The following WDR48 variants were observed in gnomAD, a reference collection of about 807,000 sequenced individuals.
WDR48 encodes WD repeat domain 48, also known as WD repeat-containing protein 48.
In WDR48, 22 loss-of-function variants were observed where a neutral mutation model predicts 94.0. That is an observed-to-expected ratio of 0.23 (90% confidence interval 0.17 to 0.33). The LOEUF is 0.33. Among genes scored for constraint, WDR48 ranks in the 10% least tolerant of loss-of-function variants. The probability of loss-of-function intolerance (pLI) is 1.00; values close to 1 mark genes in which losing one functional copy is unlikely to be tolerated. For missense variants in WDR48, 541 were observed against 813.8 expected, an observed-to-expected ratio of 0.66 and a Z score of 4.08; for synonymous variants, 278 against 280.5, an observed-to-expected ratio of 0.99 and a Z score of 0.09.
At chr3:39,079,315 A>G (rs2034401449) in intron 10 of WDR48, among the ~76,000 whole-genome samples, 2 of 152,218 alleles carry the variant, frequency 1.3e-5, no homozygotes, top group African/African-American at 4.8e-5. Context: ...AACCTTTAGA[A>G]TATTCATTCA....
chr3:39,078,280 CGATAGTTACTTAGA>C, intron 10 of WDR48, 41 bp downstream of exon 10: 1 of 1,373,382 alleles, frequency 7.3e-7, no homozygotes, highest in Non-Finnish European at 1.0e-6. Flanking sequence ...TTGAAGTTAG[CGATAGTTACTTAGA>C]GATTGACAAA....
intron 8 of WDR48, among the ~76,000 whole-genome samples, chr3:39,075,313 T>A (rs2034162574): frequency 6.6e-6 from 1 of 151,864 alleles, no homozygotes; most frequent in Admixed American, 6.6e-5. Context: ...TGTCTCATAC[T>A]TGCTCCTGAG....
At chr3:39,063,341 A>G in intron 2 of WDR48, 151 bp downstream of exon 2, 3 of 1,047,946 alleles carry the variant, frequency 2.9e-6, no homozygotes, top group Non-Finnish European at 3.9e-6. Flanking sequence ...AGAATTCTGT[A>G]AGCCTCTGAG....
At chr3:39,091,398 G>T in intron 16 of WDR48, 2 of 363,334 alleles carry the variant, frequency 5.5e-6, no homozygotes, top group South Asian at 3.6e-5. Context: ...TGTTATCTAA[G>T]AAGAGCCATG....
At position 39,095,296 on chromosome 3, in the gene WDR48, T is replaced by C. The variant is rs574984206; in HGVS notation, c.*553T>C. 1.9e-5 allele frequency: 3 copies of C among 154,280 alleles called. No individual in the cohort carries two copies. The East Asian group carries it at 5.8e-4, about 30-fold the overall frequency. The allele number at this position is 154,280 out of a possible 1,614,324, so 9.6% of individuals were successfully genotyped here. ...ACAATTTGAGAACCAGCCCATTTCA[T>C]AATAAAAGATTAATGTTGGGCTTGT... On this transcript the variant is annotated 3_prime_UTR_variant, in exon 19 of 19. Transcript: ENST00000302313.
intron 11 of WDR48, 121 bp from the exon 12 acceptor site, chr3:39,084,034 A>G (rs892601149): frequency 6.7e-6 from 4 of 600,196 alleles, no homozygotes; most frequent in Non-Finnish European, 1.1e-5. Context: ...TCTTTTTGAA[A>G]TGTATTTTAG....
At chr3:39,090,782 A>G (rs2035039402) in intron 16 of WDR48, 1 of 152,204 alleles carries the variant, frequency 6.6e-6, no homozygotes, top group South Asian at 2.1e-4. Flanking sequence ...AGCCATATGA[A>G]AAGGAATTTA....
chr3:39,087,325 T>C (rs2034861975), intron 14 of WDR48, among the ~76,000 whole-genome samples: 1 of 152,184 alleles, frequency 6.6e-6, no homozygotes, highest in Non-Finnish European at 1.5e-5. Flanking sequence ...TTGTTGACAG[T>C]GATTTTGACG....
At position 39,078,145 on chromosome 3, in the gene WDR48, A is replaced by C. The variant is rs2034325991; in HGVS notation, c.981A>C (p.Lys327Asn). 9 of 1,609,522 alleles carry C rather than the reference A, an allele frequency of 5.6e-6. No individual in the cohort carries two copies. Among genetic ancestry groups the C allele is most frequent in the Non-Finnish European group, 7.6e-6 (9 of 1,177,730 alleles). Residue 327 changes from lysine to asparagine, a missense_variant, in exon 10 of 19, where the codon AAA becomes AAC. Lys to Asn is a moderately conservative substitution (Grantham distance 94, BLOSUM62 0). Coordinates refer to ENST00000302313, the MANE Select transcript of WDR48 (RefSeq NM_020839.4). The part of the protein sequence containing the change: ...TKSTVNKWTL[K>N]GIHNFRASGD... Reference sequence around the variant, plus strand: ...AAATTTTGTAATTTTAGACTTTGAAAGGAATTCATAATTTTAGAGCCTCTG... The same window carrying C: ...AAATTTTGTAATTTTAGACTTTGAACGGAATTCATAATTTTAGAGCCTCTG...
chr3:39,093,459 G>A (rs1202834118), intron 17 of WDR48, among the ~76,000 whole-genome samples: 2 of 152,192 alleles, frequency 1.3e-5, no homozygotes, highest in African/African-American at 2.4e-5. Flanking sequence ...TGCATCCTGA[G>A]TAGCTGGAAT....
chr3:39,085,504 C>CT lies in WDR48; in HGVS notation c.1379-5dup, dbSNP rs964121214. The stretch of plus-strand genomic sequence containing the variant: ...TTCCATTTTATCTCTTTTTAATTAA[C>CT]TTTTTTGCAGTGAATTTAGGAGGAC... On this transcript the variant is annotated splice_polypyrimidine_tract_variant and intron_variant, in intron 13 of 18. Transcript: ENST00000302313. The CT allele has an allele frequency of 1.7e-5, 28 of 1,603,156 alleles. No homozygotes were observed. Among genetic ancestry groups the CT allele is most frequent in the Non-Finnish European group, 2.2e-5 (26 of 1,175,216 alleles).
chr3:39,094,208 GC>G (rs1315189552), intron 18 of WDR48, 142 bp downstream of exon 18: 1 of 1,454,738 alleles, frequency 6.9e-7, no homozygotes, highest in Non-Finnish European at 9.0e-7. Context: ...CCACCCTAAA[GC>G]TCCTCTTTAC....
rs769598869 is a variant in WDR48, at chr3:39,091,720, T to A, written c.1745+19T>A. ...TAAAAAAGTAAGTAAATATATGGTT[T>A]CTTGATCTAATTAACTACTAGAGAG... On this transcript the variant is annotated intron_variant, in intron 17 of 18. Coordinates refer to ENST00000302313, the MANE Select transcript of WDR48 (RefSeq NM_020839.4). The A allele has an allele frequency of 1.3e-6, 2 of 1,574,402 alleles. No individual in the cohort carries two copies. The highest frequency in any genetic ancestry group is 3.7e-5 in the Admixed American group (2 of 53,814).
Position 39,095,033 on chromosome 3 carries a change from T to TG in WDR48, c.*291dup, listed in dbSNP as rs2035273794. The TG allele has an allele frequency of 2.4e-6, 1 of 420,826 alleles. No individual in the cohort carries two copies. The highest frequency in any genetic ancestry group is 4.4e-5 in the South Asian group (1 of 22,536). 26.1% of individuals were successfully genotyped at this position (420,826 alleles called of 1,614,324 possible). A position where few individuals can be genotyped will look rare whatever the true frequency, so the allele number is the denominator to read the frequency against. On this transcript the variant is annotated 3_prime_UTR_variant, in exon 19 of 19. Transcript: ENST00000302313. The stretch of plus-strand genomic sequence containing the variant: ...ACTGACAACAGGCCAGTGCAGACTT[T>TG]GCTTCCTCCTTTTGTTTCAAAGGAC...
At chr3:39,082,638 C>T (rs1352273179) in intron 11 of WDR48, among the ~76,000 whole-genome samples, 2 of 152,024 alleles carry the variant, frequency 1.3e-5, no homozygotes, top group African/African-American at 4.8e-5. Flanking sequence ...GAATGAGTCC[C>T]AGATTTCTTG....
At chr3:39,088,795 G>A (rs1386197350) in intron 15 of WDR48, among the ~76,000 whole-genome samples, 1 of 152,172 alleles carries the variant, frequency 6.6e-6, no homozygotes, top group Non-Finnish European at 1.5e-5. Flanking sequence ...ATAGGTGCCA[G>A]AAGAAAGAAA....
intron 11 of WDR48, among the ~76,000 whole-genome samples, chr3:39,081,623 C>G (rs1244405842): frequency 6.6e-6 from 1 of 152,208 alleles, no homozygotes; most frequent in Non-Finnish European, 1.5e-5. Flanking sequence ...CTTTGATACT[C>G]TACCACAAAT....
chr3:39,069,992 C>T (rs1056479266), intron 7 of WDR48, among the ~76,000 whole-genome samples: 1 of 152,120 alleles, frequency 6.6e-6, no homozygotes, highest in African/African-American at 2.4e-5. Flanking sequence ...ATTTATGGTG[C>T]ATAGGGGCTA....
intron 1 of WDR48, among the ~76,000 whole-genome samples, chr3:39,060,445 C>T (rs915116811): frequency 6.8e-6 from 1 of 148,040 alleles, no homozygotes; most frequent in East Asian, 2.0e-4. Context: ...TATGCACACA[C>T]ACACATCACA....
Sources: allele counts gnomAD v4.1 joint callset (sites outside exome capture counted in the v4.1 genomes callset), GRCh38; gene constraint gnomAD v4.1.1; transcripts MANE v1.5; gene names NCBI Gene and HGNC (gene_info 2026-07-23, HGNC 2026-07-21).